TBC1D9: variants seen among roughly 807,000 people sequenced by gnomAD.
The protein encoded by TBC1D9 is TBC1 domain family member 9A.
In TBC1D9, 63 loss-of-function variants were observed where a neutral mutation model predicts 132.0. The observed-to-expected ratio is 0.48, with a 90% CI of 0.39 to 0.59. TBC1D9 has a LOEUF of 0.59. Ranked by LOEUF, TBC1D9 falls within the 20% of genes least tolerant of loss-of-function variation. The pLI is 0.00. For missense variants in TBC1D9, 1,261 were observed against 1,592.7 expected (o/e 0.79, Z 3.54); for synonymous variants, 610 against 609.9 (o/e 1.00, Z 0.00).
chr4:140,622,169 C>T lies in TBC1D9; in HGVS notation c.*26G>A. ...AAAAAATCCCTCCCCTCCCTCTCCTCCCACTCCCCCGGGAAGGCGCCCGTG... is the reference window on the plus strand; with the variant it reads ...AAAAAATCCCTCCCCTCCCTCTCCTTCCACTCCCCCGGGAAGGCGCCCGTG... On this transcript the variant is annotated 3_prime_UTR_variant, in exon 21 of 21. Coordinates refer to ENST00000442267, the MANE Select transcript of TBC1D9 (RefSeq NM_015130.3). The T allele has an allele frequency of 2.6e-6, 4 of 1,542,172 alleles. No individual in the cohort carries two copies. The highest frequency in any genetic ancestry group is 3.5e-6 in the Non-Finnish European group (4 of 1,138,266).
At position 140,686,347 on chromosome 4, in the gene TBC1D9, T is replaced by TA. The variant is rs1461470811; in HGVS notation, c.356dup (p.Gln120ThrfsTer12). 6.6e-7 allele frequency: 1 copy of TA among 1,519,192 alleles called. No homozygotes were observed. The highest frequency in any genetic ancestry group is 9.1e-7 in the Non-Finnish European group (1 of 1,101,750). 94.1% of individuals were successfully genotyped at this position (1,519,192 alleles called of 1,614,324 possible). ...TGTTTTTCTTTTATCCCACTACCTGTATTTTTCCTCTCACAAATGTGGTGA... is the reference window on the plus strand; with the variant it reads ...TGTTTTTCTTTTATCCCACTACCTGTAATTTTTCCTCTCACAAATGTGGTGA... On this transcript the variant is annotated frameshift_variant, in exon 3 of 21. Transcript: ENST00000442267. LOFTEE classifies it high-confidence loss of function.
At chr4:140,743,038 G>A (rs4956332) in intron 1 of TBC1D9, among the ~76,000 whole-genome samples, 121,975 of 151,928 alleles carry the variant, frequency 0.8, 49,463 homozygotes, top group East Asian at 0.94. Flanking sequence ...GGAGGAAGGA[G>A]GAAAGGAAGG....
In TBC1D9 at chr4:140,657,636, A is replaced by G. The variant is rs754074440; in HGVS notation, c.2098T>C (p.Tyr700His). The change falls in exon 12 of 21, where the codon TAT (tyrosine) becomes CAT (histidine). Residue 700 changes from tyrosine (Y) to histidine (H), a missense_variant. Tyr to His is a moderately conservative substitution (Grantham distance 83, BLOSUM62 2). Around this residue, in one of 3 missense-constraint regions of TBC1D9, gnomAD observed 618 missense variants for 724.4 expected, o/e 0.85. Transcript: ENST00000442267. Reference protein sequence around the residue: ...SAVVVVDCFFYEGIKVIFQLA... With the variant: ...SAVVVVDCFFHEGIKVIFQLA... Reference sequence around the variant, plus strand: ...TGGAATATCACTTTAATTCCTTCATAGAAGAAACAGTCAACAACCACAACT... The same window carrying G: ...TGGAATATCACTTTAATTCCTTCATGGAAGAAACAGTCAACAACCACAACT... 6.2e-7 allele frequency: 1 copy of G among 1,614,048 alleles called. No homozygotes were observed. Among genetic ancestry groups the G allele is most frequent in the Admixed American group, 1.7e-5 (1 of 60,024 alleles).
chr4:140,707,990 A>G (rs1186108977), intron 1 of TBC1D9, among the ~76,000 whole-genome samples: 1 of 152,066 alleles, frequency 6.6e-6, no homozygotes, highest in African/African-American at 2.4e-5. Context: ...AAAAAAAAGT[A>G]TGGTTTCCTC....
Position 140,756,012 on chromosome 4 carries a change from T to A in TBC1D9, c.34A>T (p.Asn12Tyr), listed in dbSNP as rs1291376576. ...WVNPEEVLLANALWITERANP... is the reference protein window; with the variant it reads ...WVNPEEVLLAYALWITERANP... Reference sequence around the variant, plus strand: ...GCCCTCTCGGTGATCCACAGCGCGTTGGCCAGCAACACCTCCTCCGGGTTC... The same window carrying A: ...GCCCTCTCGGTGATCCACAGCGCGTAGGCCAGCAACACCTCCTCCGGGTTC... The change falls in exon 1 of 21, where the codon AAC (asparagine) becomes TAC (tyrosine). Residue 12 changes from asparagine (N) to tyrosine (Y), a missense_variant. Asn to Tyr is a moderately radical substitution (Grantham distance 143). Around this residue, in one of 3 missense-constraint regions of TBC1D9, gnomAD observed 550 missense variants for 699.0 expected, o/e 0.79. Coordinates refer to ENST00000442267, the MANE Select transcript of TBC1D9 (RefSeq NM_015130.3). The surrounding 1 kb of genome is among the most constrained non-coding windows in gnomAD (Gnocchi z 5.6). The A allele has an allele frequency of 6.2e-7, 1 of 1,609,190 alleles. No homozygotes were observed. The highest frequency in any genetic ancestry group is 8.5e-7 in the Non-Finnish European group (1 of 1,177,560).
chr4:140,735,466 C>T (rs1210141789), intron 1 of TBC1D9, among the ~76,000 whole-genome samples: 2 of 152,168 alleles, frequency 1.3e-5, no homozygotes, highest in Non-Finnish European at 2.9e-5. Flanking sequence ...AATTCCAATA[C>T]TTTGGGACAT....
chr4:140,649,110 C>A (rs1302540226), intron 13 of TBC1D9, among the ~76,000 whole-genome samples: 1 of 152,240 alleles, frequency 6.6e-6, no homozygotes, highest in East Asian at 1.9e-4. Flanking sequence ...CCCTTCCTTT[C>A]TAAATCCTCC....
At chr4:140,711,537 G>A (rs1203540423) in intron 1 of TBC1D9, among the ~76,000 whole-genome samples, 3 of 152,098 alleles carry the variant, frequency 2.0e-5, no homozygotes, top group East Asian at 3.8e-4. Context: ...ATCCTCTTAC[G>A]TAATTCAACT....
intron 3 of TBC1D9, among the ~76,000 whole-genome samples, chr4:140,682,367 T>A (rs1166321748): frequency 6.6e-6 from 1 of 151,950 alleles, no homozygotes; most frequent in Non-Finnish European, 1.5e-5. Flanking sequence ...GGAGCTCAAT[T>A]TTGGACCCAG....
intron 9 of TBC1D9, among the ~76,000 whole-genome samples, chr4:140,664,176 T>A (rs1163577589): frequency 6.6e-6 from 1 of 152,114 alleles, no homozygotes; most frequent in East Asian, 1.9e-4. Context: ...TTAATACACC[T>A]TAAATATATA....
At position 140,696,834 on chromosome 4, in the gene TBC1D9, G is replaced by A. The variant is rs112421061; in HGVS notation, c.241+4670C>T. On this transcript the variant is annotated intron_variant, in intron 2 of 20. Transcript: ENST00000442267. Reference sequence around the variant, plus strand: ...ATGGATTCTACAAGGCAGTGATTTAGACTTACCCAATTATCTGCAGAAGTT... The same window carrying A: ...ATGGATTCTACAAGGCAGTGATTTAAACTTACCCAATTATCTGCAGAAGTT... 4.0e-4 allele frequency among the ~76,000 whole-genome samples: 61 copies of A among 152,294 alleles called. 1 individual carries two copies. Among genetic ancestry groups the A allele is most frequent in the African/African-American group, 1.4e-3 (60 of 41,556 alleles).
Position 140,627,536 on chromosome 4 carries a change from G to A in TBC1D9, c.2813-9C>T. On this transcript the variant is annotated splice_polypyrimidine_tract_variant and intron_variant, in intron 17 of 20. Coordinates refer to ENST00000442267, the MANE Select transcript of TBC1D9 (RefSeq NM_015130.3). ...TTGATCAGAGGATGGCTCTAGGGAG[G>A]GGAGGAAACATAGTTCTCATATTGG... The A allele has an allele frequency of 6.4e-7, 1 of 1,572,114 alleles. No homozygotes were observed.
chr4:140,710,484 A>T (rs1263197790), intron 1 of TBC1D9, among the ~76,000 whole-genome samples: 1 of 152,206 alleles, frequency 6.6e-6, no homozygotes, highest in Non-Finnish European at 1.5e-5. Context: ...CGTGACTTTC[A>T]TATTTTCCAC....
intron 7 of TBC1D9, chr4:140,670,471 C>T (rs1257366272): frequency 6.2e-6 from 3 of 481,050 alleles, no homozygotes; most frequent in Admixed American, 6.6e-5. Flanking sequence ...TGCTATGTAA[C>T]TAGAACAGAT....
intron 13 of TBC1D9, chr4:140,643,581 G>A: frequency 1.1e-6 from 1 of 883,442 alleles, no homozygotes; most frequent in Non-Finnish European, 1.7e-6. Flanking sequence ...CTCGCTCAGG[G>A]CCGCCTGGGC....
chr4:140,729,742 T>C (rs1738557496), intron 1 of TBC1D9, among the ~76,000 whole-genome samples: 1 of 131,682 alleles, frequency 7.6e-6, no homozygotes, highest in African/African-American at 2.9e-5. Flanking sequence ...ATTGCTTGAA[T>C]CCCGGAGGCA....
Position 140,720,787 on chromosome 4 carries a change from C to G in TBC1D9, c.131-19173G>C, listed in dbSNP as rs113742570. Among the ~76,000 whole-genome samples, 630 of 152,290 alleles carry G rather than the reference C, an allele frequency of 4.1e-3. 3 individuals are homozygous for G. The highest frequency in any genetic ancestry group is 0.014 in the African/African-American group (592 of 41,540). On this transcript the variant is annotated intron_variant, in intron 1 of 20. Transcript: ENST00000442267. ...TTGAAGAGCTGGTTTCTAAGGTGAC[C>G]CGTAAGCTTCTAACCTCAGTGACAA...
chr4:140,697,231 A>C (rs1256459129), intron 2 of TBC1D9, among the ~76,000 whole-genome samples: 1 of 152,022 alleles, frequency 6.6e-6, no homozygotes, highest in Non-Finnish European at 1.5e-5. Flanking sequence ...TAAATAAATA[A>C]ATTAGCAGGG....
At position 140,631,054 on chromosome 4, in the gene TBC1D9, TAC is replaced by T. The variant is rs148593117; in HGVS notation, c.2747-2691_2747-2690del. On this transcript the variant is annotated intron_variant, in intron 16 of 20. Coordinates refer to ENST00000442267, the MANE Select transcript of TBC1D9 (RefSeq NM_015130.3). ...CTTTTGGGTGCAGTGTTCAGCCAGT[TAC>T]ACAATCACCAATTTCCATATACTTT... Among the ~76,000 whole-genome samples the T allele has an allele frequency of 8.2e-4, 125 of 152,348 alleles. 2 individuals are homozygous for T. In the East Asian group the frequency reaches 0.019, roughly 23 times the overall value.
Sources: allele counts gnomAD v4.1 joint callset (sites outside exome capture counted in the v4.1 genomes callset), GRCh38; gene constraint gnomAD v4.1.1; regional missense constraint gnomAD v4.1.1; non-coding constraint Gnocchi (gnomAD v3.1); transcripts MANE v1.5; gene names NCBI Gene and HGNC (gene_info 2026-07-23, HGNC 2026-07-21).